KLHL28: variants seen among roughly 807,000 people sequenced by gnomAD.
KLHL28 encodes the protein kelch like family member 28, also known as kelch-like protein 28.
A neutral mutation model predicts 48.3 loss-of-function variants in KLHL28; 22 were observed. The ratio of observed to expected loss-of-function variants is 0.46; its 90% CI spans 0.33 to 0.65. The LOEUF (loss-of-function observed/expected upper bound fraction) is 0.65, where lower values mean the gene tolerates loss of function less well. Among genes scored for constraint, KLHL28 ranks in the 30% least tolerant of loss-of-function variants. The pLI is 0.03. For synonymous variants in KLHL28, 243 were observed against 242.4 expected (o/e 1.00, Z -0.02); for missense variants, 527 against 704.3 (o/e 0.75, Z 2.85).
At chr14:44,961,001 A>G (rs1405130329) in intron 1 of KLHL28, 3 of 788,228 alleles carry the variant, frequency 3.8e-6, no homozygotes, top group Non-Finnish European at 6.1e-6. Context: ...TATTCCTTCA[A>G]AAAAAAAAAA....
intron 1 of KLHL28, among the ~76,000 whole-genome samples, chr14:44,948,809 T>C (rs778991636): frequency 2.3e-4 from 35 of 152,124 alleles, no homozygotes; most frequent in South Asian, 8.3e-4. Flanking sequence ...TTTCCTCCAA[T>C]TCAAATTCTC....
chr14:44,930,801 TC>T (rs1004577109), intron 4 of KLHL28, among the ~76,000 whole-genome samples: 1 of 152,170 alleles, frequency 6.6e-6, no homozygotes, highest in African/African-American at 2.4e-5. Flanking sequence ...TTAAAACCTT[TC>T]CCTTAAAATG....
chr14:44,959,820 A>G (rs1884954376), intron 1 of KLHL28, among the ~76,000 whole-genome samples: 1 of 152,154 alleles, frequency 6.6e-6, no homozygotes, highest in Non-Finnish European at 1.5e-5. Context: ...GTATTCTACT[A>G]TCTAAAAATT....
At chr14:44,957,161 G>C (rs193011817) in intron 1 of KLHL28, among the ~76,000 whole-genome samples, 11 of 152,192 alleles carry the variant, frequency 7.2e-5, no homozygotes, top group Non-Finnish European at 8.8e-5. Context: ...TATGTTGTTA[G>C]GATTTGCTGC....
intron 1 of KLHL28, among the ~76,000 whole-genome samples, chr14:44,957,647 G>A (rs1353489636): frequency 6.6e-6 from 1 of 152,086 alleles, no homozygotes; most frequent in Non-Finnish European, 1.5e-5. Context: ...CTTTTAACAT[G>A]TATTAATTCC....
intron 1 of KLHL28, among the ~76,000 whole-genome samples, chr14:44,949,999 C>T (rs948340589): frequency 1.3e-5 from 2 of 151,950 alleles, no homozygotes; most frequent in Admixed American, 1.3e-4. Flanking sequence ...TGATGAACAG[C>T]AGAAATTCAA....
At position 44,924,492 on chromosome 14, in the gene KLHL28, C is replaced by T. The variant is rs973306184; in HGVS notation, c.*4536G>A. 14 of 152,028 alleles carry T rather than the reference C, an allele frequency of 9.2e-5. No individual in the cohort carries two copies. Among genetic ancestry groups the T allele is most frequent in the Admixed American group, 6.6e-5 (1 of 15,220 alleles). The allele number at this position is 152,028 out of a possible 1,614,324, so 9.4% of individuals were successfully genotyped here. A position where few individuals can be genotyped will look rare whatever the true frequency, so the allele number is the denominator to read the frequency against. On this transcript the variant is annotated 3_prime_UTR_variant, in exon 5 of 5. Coordinates refer to ENST00000396128, the MANE Select transcript of KLHL28 (RefSeq NM_017658.5). ...TGTGTAAACATAAATAAAATAAAAC[C>T]CTGATGCTAAAAAGGTACATGTTCA...
intron 2 of KLHL28, among the ~76,000 whole-genome samples, chr14:44,941,432 G>A (rs991276835): frequency 6.8e-6 from 1 of 147,682 alleles, no homozygotes; most frequent in Non-Finnish European, 1.5e-5. Flanking sequence ...AGGAGTTCGA[G>A]ACCAGCCTCA....
Position 44,945,522 on chromosome 14 carries a change from T to C in KLHL28, c.407A>G (p.Asn136Ser). The C allele has an allele frequency of 6.2e-7, 1 of 1,614,184 alleles. No individual in the cohort carries two copies. The highest frequency in any genetic ancestry group is 8.5e-7 in the Non-Finnish European group (1 of 1,180,028). ...AFLESQLDPG[N>S]CIGISRFAET... ...TGCAAAACGAGAAATTCCAATACAA[T>C]TACCAGGATCAAGTTGGCTTTCAAG... The change falls in exon 2 of 5, where the codon AAT becomes AGT. Residue 136 changes from asparagine to serine, a missense_variant. By Grantham distance (46) the Asn-to-Ser change is conservative. Transcript: ENST00000396128.
chr14:44,959,432 A>G (rs1459351695), intron 1 of KLHL28: 3 of 152,138 alleles, frequency 2.0e-5, no homozygotes, highest in Non-Finnish European at 4.4e-5. Flanking sequence ...TTTGCATAGC[A>G]TTTCTTCACA....
At chr14:44,944,284 A>AT (rs1454280914) in intron 2 of KLHL28, among the ~76,000 whole-genome samples, 3 of 152,204 alleles carry the variant, frequency 2.0e-5, no homozygotes, top group Admixed American at 2.0e-4. Flanking sequence ...CCCACTAGCT[A>AT]TTTTTATAAA....
intron 2 of KLHL28, among the ~76,000 whole-genome samples, chr14:44,935,890 G>GTGTATATATATATATATATATATA (rs1555337906): frequency 1.2e-4 from 7 of 59,144 alleles, no homozygotes; most frequent in East Asian, 1.0e-3. Context: ...ATATATGTGT[G>GTGTATATATATATATATATATATA]TATATATATA....
intron 2 of KLHL28, among the ~76,000 whole-genome samples, chr14:44,941,124 A>G (rs537412748): frequency 1.3e-4 from 20 of 152,122 alleles, no homozygotes; most frequent in Admixed American, 1.3e-3. Flanking sequence ...CCGTCTCCAA[A>G]TAAACAAAAA....
chr14:44,936,134 G>A (rs1244096402), intron 2 of KLHL28, among the ~76,000 whole-genome samples: 1 of 151,792 alleles, frequency 6.6e-6, no homozygotes, highest in Admixed American at 6.6e-5. Flanking sequence ...GTTTAAAAGA[G>A]AATGGGAGAT....
intron 1 of KLHL28, among the ~76,000 whole-genome samples, chr14:44,947,756 T>C (rs1193924772): frequency 6.6e-6 from 1 of 152,210 alleles, no homozygotes; most frequent in Non-Finnish European, 1.5e-5. Flanking sequence ...TCATACTTAT[T>C]TCACAATGAA....
At chr14:44,954,201 ACCT>A (rs1310618736) in intron 1 of KLHL28, among the ~76,000 whole-genome samples, 1 of 152,096 alleles carries the variant, frequency 6.6e-6, no homozygotes, top group Non-Finnish European at 1.5e-5. Flanking sequence ...ATGATACAAA[ACCT>A]CTGGAGGTAA....
intron 1 of KLHL28, among the ~76,000 whole-genome samples, chr14:44,949,835 T>C (rs991821117): frequency 6.6e-6 from 1 of 152,158 alleles, no homozygotes; most frequent in Non-Finnish European, 1.5e-5. Flanking sequence ...TTTAACACCA[T>C]AAACTTATGT....
At chr14:44,956,421 A>G (rs1395023287) in intron 1 of KLHL28, among the ~76,000 whole-genome samples, 2 of 152,228 alleles carry the variant, frequency 1.3e-5, no homozygotes, top group East Asian at 3.8e-4. Context: ...ATGGAAAAAC[A>G]TAACACCCAT....
intron 2 of KLHL28, among the ~76,000 whole-genome samples, chr14:44,938,008 T>C (rs1341894659): frequency 2.0e-5 from 3 of 152,232 alleles, no homozygotes; most frequent in Non-Finnish European, 4.4e-5. Flanking sequence ...ATATGAACTT[T>C]TGGGGAACAC....
Sources: gnomAD v4.1 joint callset for allele counts (sites outside exome capture counted in the v4.1 genomes callset) on GRCh38, gnomAD v4.1.1 for gene constraint, MANE v1.5 for transcripts, NCBI Gene and HGNC (gene_info 2026-07-23, HGNC 2026-07-21) for gene names.